Variants in SRRM3 observed in about 807,000 individuals in gnomAD.
SRRM3 encodes the protein serine/arginine repetitive matrix 3, also known as serine/arginine repetitive matrix protein 3.
A neutral mutation model predicts 66.2 loss-of-function variants in SRRM3; 27 were observed. That is an observed-to-expected ratio of 0.41 (90% CI 0.30 to 0.56). SRRM3 has a LOEUF of 0.56. SRRM3 is among the 20% of genes least tolerant of loss of function. The pLI is 0.32. For synonymous variants in SRRM3, 391 were observed against 414.9 expected (o/e 0.94, Z 0.70); for missense variants, 918 against 991.9 (o/e 0.93, Z 1.00).
chr7:76,203,820 G>T (rs10235086), intron 1 of SRRM3, among the ~76,000 whole-genome samples: 70,128 of 151,976 alleles, frequency 0.46, 19,130 homozygotes, highest in African/African-American at 0.76. Flanking sequence ...CATCCTCTGA[G>T]TATCAAGGCC....
intron 2 of SRRM3, among the ~76,000 whole-genome samples, chr7:76,235,833 C>A (rs1458367344): frequency 2.0e-5 from 3 of 151,420 alleles, no homozygotes; most frequent in African/African-American, 7.3e-5. Flanking sequence ...TGGTGAAAAT[C>A]CGTCTCTACT....
chr7:76,218,462 G>T (rs1800622416), intron 1 of SRRM3, among the ~76,000 whole-genome samples: 2 of 152,018 alleles, frequency 1.3e-5, no homozygotes, highest in South Asian at 4.2e-4. Context: ...CAGCCCCAGG[G>T]AAGCTGTCTG....
chr7:76,210,341 A>T (rs1245665237), intron 1 of SRRM3, among the ~76,000 whole-genome samples: 1 of 152,182 alleles, frequency 6.6e-6, no homozygotes, highest in Admixed American at 6.5e-5. Context: ...TCCTGGGGGA[A>T]GTCCTGTCTT....
chr7:76,257,016 G>A (rs539668943), intron 3 of SRRM3, among the ~76,000 whole-genome samples: 1 of 152,212 alleles, frequency 6.6e-6, no homozygotes, highest in African/African-American at 2.4e-5. Flanking sequence ...GCCCTTGGCT[G>A]GCTTCTTTAC....
chr7:76,249,834 C>G (rs1247561315), intron 3 of SRRM3, among the ~76,000 whole-genome samples: 2 of 151,904 alleles, frequency 1.3e-5, no homozygotes, highest in South Asian at 4.2e-4. Flanking sequence ...ATCACTTGAA[C>G]CCGCCTCAGA....
intron 11 of SRRM3, 65 bp from the exon 12 acceptor site, chr7:76,281,376 T>A (rs1488987263): frequency 2.7e-6 from 3 of 1,122,680 alleles, no homozygotes; most frequent in Non-Finnish European, 3.3e-6. Context: ...CTCTTCTCTC[T>A]CTGTCTCTGT....
chr7:76,240,455 CTAA>C (rs1801257443), intron 2 of SRRM3, among the ~76,000 whole-genome samples: 1 of 151,790 alleles, frequency 6.6e-6, no homozygotes, highest in African/African-American at 2.4e-5. Flanking sequence ...CCCTTCTCTA[CTAA>C]TAATACAAAA....
At chr7:76,249,923 A>T (rs957784813) in intron 3 of SRRM3, among the ~76,000 whole-genome samples, 37 of 152,142 alleles carry the variant, frequency 2.4e-4, no homozygotes, top group Non-Finnish European at 5.3e-4. Context: ...AGGAATGGGT[A>T]AAGGTCTCTT....
At chr7:76,220,331 A>C (rs1800678442) in intron 1 of SRRM3, among the ~76,000 whole-genome samples, 1 of 152,064 alleles carries the variant, frequency 6.6e-6, no homozygotes, top group Admixed American at 6.6e-5. Context: ...TTCACGGAGG[A>C]GGTGATGCTT....
chr7:76,283,010 A>G lies in SRRM3; in HGVS notation c.1642A>G (p.Thr548Ala), dbSNP rs2117121525. ...GRARHSEAEA[T>A]RARRRSRSYS... ...CGCAAGGCACTCTGAGGCCGAGGCC[A>G]CCCGCGCCCGGCGCCGCTCCCGCAG... The change falls in exon 14 of 15, where the codon ACC (threonine) becomes GCC (alanine). Residue 548 changes from threonine to alanine, a missense_variant. By Grantham distance (58) the Thr-to-Ala change is moderately conservative (BLOSUM62 0). Coordinates refer to ENST00000611745, the MANE Select transcript of SRRM3 (RefSeq NM_001110199.3). The G allele has an allele frequency of 6.8e-7, 1 of 1,468,542 alleles. No homozygotes were observed. Among genetic ancestry groups the G allele is most frequent in the Non-Finnish European group, 8.9e-7 (1 of 1,117,356 alleles). 91.0% of individuals were successfully genotyped at this position (1,468,542 alleles called of 1,614,324 possible).
rs570996733 is a variant in SRRM3, at chr7:76,270,444, G to A, written c.1008+3009G>A. On this transcript the variant is annotated intron_variant, in intron 11 of 14. Coordinates refer to ENST00000611745, the MANE Select transcript of SRRM3 (RefSeq NM_001110199.3). The stretch of plus-strand genomic sequence containing the variant: ...TAATCCTAGCACTTTGGGAGGCTGA[G>A]GGGGGCGGATCACCTGAGGTCAGGA... Among the ~76,000 whole-genome samples the A allele has an allele frequency of 3.9e-5, 6 of 152,254 alleles. 1 individual carries two copies. The South Asian group carries it at 1.0e-3, about 26-fold the overall frequency.
chr7:76,244,705 A>T (rs1463128153), intron 2 of SRRM3, among the ~76,000 whole-genome samples: 1 of 151,186 alleles, frequency 6.6e-6, no homozygotes, highest in Non-Finnish European at 1.5e-5. Flanking sequence ...CATCCTCAAG[A>T]CCTCTCTCCC....
At chr7:76,271,812 C>T (rs1392334483) in intron 11 of SRRM3, among the ~76,000 whole-genome samples, 1 of 152,178 alleles carries the variant, frequency 6.6e-6, no homozygotes, top group Non-Finnish European at 1.5e-5. Context: ...TGCTTTCCCC[C>T]ATCAGACCCA....
chr7:76,285,699 C>G lies in SRRM3; in HGVS notation c.1818C>G (p.Ser606Arg), dbSNP rs537590026. The G allele has an allele frequency of 6.4e-7, 1 of 1,551,004 alleles. No individual in the cohort carries two copies. Among genetic ancestry groups the G allele is most frequent in the East Asian group, 2.4e-5 (1 of 40,892 alleles). The change falls in exon 15 of 15, where the codon AGC (serine) becomes AGG (arginine). Residue 606 changes from serine to arginine, a missense_variant. By Grantham distance (110) the Ser-to-Arg change is moderately radical. Transcript: ENST00000611745. This position sits in a 1 kb window ranked among gnomAD's most constrained non-coding sequence, Gnocchi z 4.1. Reference sequence around the variant, plus strand: ...TGAGCAGCGACTACTCGACCCGGAGCCACAGCCGCAGCCCCAGCCCCGGCC... The same window carrying G: ...TGAGCAGCGACTACTCGACCCGGAGGCACAGCCGCAGCCCCAGCCCCGGCC... The part of the protein sequence containing the change: ...SCLSSDYSTR[S>R]HSRSPSPGHS...
chr7:76,213,203 GT>G (rs1276589317), intron 1 of SRRM3, among the ~76,000 whole-genome samples: 5 of 151,472 alleles, frequency 3.3e-5, no homozygotes, highest in African/African-American at 1.2e-4. Context: ...TAGAAACGGG[GT>G]TTCACTATGT....
intron 1 of SRRM3, among the ~76,000 whole-genome samples, chr7:76,224,291 GCTGGTCTCA>G (rs1554603531): frequency 6.7e-6 from 1 of 150,100 alleles, no homozygotes; most frequent in African/African-American, 2.5e-5. Context: ...TGTTGCCCAG[GCTGGTCTCA>G]AACTCCTGAG....
chr7:76,283,066 C>T lies in SRRM3; in HGVS notation c.1698C>T (p.Asp566=), dbSNP rs1554612253. ...SYSPIRKRRR[D]SPSFMEPRRI... is the part of the protein sequence containing the mutation. Reference sequence around the variant, plus strand: ...CGCCCATCCGCAAGCGGCGCCGGGACTCGCCAAGCTTCATGGAGCCGCGGC... The same window carrying T: ...CGCCCATCCGCAAGCGGCGCCGGGATTCGCCAAGCTTCATGGAGCCGCGGC... Residue 566 remains aspartate, a synonymous_variant, in exon 14 of 15, where the codon GAC becomes GAT. Coordinates refer to ENST00000611745, the MANE Select transcript of SRRM3 (RefSeq NM_001110199.3). 10 of 1,477,896 alleles carry T rather than the reference C, an allele frequency of 6.8e-6. No homozygotes were observed. Among genetic ancestry groups the T allele is most frequent in the Non-Finnish European group, 8.0e-6 (9 of 1,125,664 alleles). The allele number at this position is 1,477,896 out of a possible 1,614,324, so 91.5% of individuals were successfully genotyped here.
chr7:76,280,446 T>G, intron 11 of SRRM3, among the ~76,000 whole-genome samples: 1 of 120,568 alleles, frequency 8.3e-6, no homozygotes, highest in Non-Finnish European at 1.6e-5. Context: ...GGGTCCGGCC[T>G]GGTGGGCTGG....
rs184667032 is a variant in SRRM3 at position 76,258,856 on chromosome 7, A to G, written c.336-1050A>G. Among the ~76,000 whole-genome samples, 18 of 152,078 alleles carry G rather than the reference A, an allele frequency of 1.2e-4. No individual in the cohort carries two copies. In the East Asian group the frequency reaches 1.9e-3, roughly 16 times the overall value. Reference sequence around the variant, plus strand: ...CAGATCATCTGAGATCGGGAGTTCCATACCAGCCTGACTAACATGGAGAAA... The same window carrying G: ...CAGATCATCTGAGATCGGGAGTTCCGTACCAGCCTGACTAACATGGAGAAA... On this transcript the variant is annotated intron_variant, in intron 3 of 14. Transcript: ENST00000611745.
Sources: allele counts gnomAD v4.1 joint callset (sites outside exome capture counted in the v4.1 genomes callset), GRCh38; gene constraint gnomAD v4.1.1; non-coding constraint Gnocchi (gnomAD v3.1); transcripts MANE v1.5; gene names NCBI Gene and HGNC (gene_info 2026-07-23, HGNC 2026-07-21).